Variants in CELF5 observed in about 807,000 individuals in gnomAD.
The protein encoded by CELF5 is CUGBP Elav-like family member 5, also known as CUG-BP and ETR-3 like factor 5.
In CELF5, 6 loss-of-function variants were observed where a neutral mutation model predicts 54.9. The observed-to-expected ratio is 0.11, with a 90% CI of 0.06 to 0.22. The LOEUF (loss-of-function observed/expected upper bound fraction) is 0.22, where lower values mean the gene tolerates loss of function less well. CELF5 is among the 10% of genes least tolerant of loss of function. CELF5 has a pLI of 1.00. For missense variants in CELF5, 401 were observed against 678.6 expected, an observed-to-expected ratio of 0.59 and a Z score of 4.54; for synonymous variants, 271 against 290.9, an observed-to-expected ratio of 0.93 and a Z score of 0.70.
rs752869327 is a variant in CELF5, at chr19:3,273,930, A to C, written c.394+7A>C. ...AGTGAAAGCCGCGGAGGTAGTTGTC[A>C]TCTCTCCGTGGCTGCCAGGCTGGGG... On this transcript the variant is annotated splice_region_variant and intron_variant, in intron 3 of 12. Transcript: ENST00000292672. The C allele has an allele frequency of 6.2e-7, 1 of 1,612,994 alleles. No individual in the cohort carries two copies. Among genetic ancestry groups the C allele is most frequent in the Admixed American group, 1.7e-5 (1 of 59,992 alleles).
intron 8 of CELF5, among the ~76,000 whole-genome samples, chr19:3,283,861 C>T (rs370705313): frequency 6.6e-5 from 10 of 151,390 alleles, no homozygotes; most frequent in Non-Finnish European, 1.3e-4. Flanking sequence ...CTCACTCTGT[C>T]GCCCAGGCTG....
At chr19:3,296,549 ACT>A (rs1307169689) in intron 12 of CELF5, 1 of 150,206 alleles carries the variant, frequency 6.7e-6, no homozygotes, top group African/African-American at 2.5e-5. Flanking sequence ...TTGTTTCGAG[ACT>A]CTCCTCTAGC....
chr19:3,256,475 C>T (rs924807630), intron 2 of CELF5, among the ~76,000 whole-genome samples: 4 of 152,048 alleles, frequency 2.6e-5, no homozygotes, highest in Non-Finnish European at 5.9e-5. Flanking sequence ...CCAGTGAGAA[C>T]AACATTGAGA....
At chr19:3,255,958 G>A (rs1195491731) in intron 2 of CELF5, among the ~76,000 whole-genome samples, 5 of 151,160 alleles carry the variant, frequency 3.3e-5, no homozygotes, top group East Asian at 4.0e-4. Context: ...CCAGCTACTC[G>A]GGAGGCTGAG....
intron 3 of CELF5, among the ~76,000 whole-genome samples, chr19:3,274,782 G>T (rs774627677): frequency 3.9e-5 from 6 of 152,122 alleles, no homozygotes; most frequent in Non-Finnish European, 5.9e-5. Flanking sequence ...GTATATGTAG[G>T]AGTCCGGTAA....
At chr19:3,277,996 A>G in intron 4 of CELF5, 35 bp from the exon 5 acceptor site, 1 of 1,583,640 alleles carries the variant, frequency 6.3e-7, no homozygotes, top group Non-Finnish European at 8.7e-7. Flanking sequence ...CTGTGACCCC[A>G]TCACCCTCTA....
chr19:3,287,298 G>A (rs1280904157), intron 10 of CELF5, among the ~76,000 whole-genome samples: 1 of 150,924 alleles, frequency 6.6e-6, no homozygotes, highest in Admixed American at 6.6e-5. Context: ...GGTGGCTCAT[G>A]CCTGTAATCC....
intron 1 of CELF5, among the ~76,000 whole-genome samples, chr19:3,226,767 C>CT (rs11453088): frequency 0.081 from 11,581 of 143,742 alleles, 1,084 homozygotes; most frequent in East Asian, 0.44. Flanking sequence ...TCTTCTTCAT[C>CT]TTTTTTTTTT....
intron 2 of CELF5, among the ~76,000 whole-genome samples, chr19:3,251,894 C>T (rs1458969707): frequency 1.3e-5 from 2 of 151,928 alleles, no homozygotes; most frequent in Non-Finnish European, 2.9e-5. Context: ...AGGCTGGTCT[C>T]AAACTCTTGA....
At chr19:3,226,008 C>T (rs1362161926) in intron 1 of CELF5, among the ~76,000 whole-genome samples, 1 of 152,132 alleles carries the variant, frequency 6.6e-6, no homozygotes, top group Non-Finnish European at 1.5e-5. Context: ...GCAATTGTAT[C>T]CCCAGCCCTT....
chr19:3,293,712 T>A, intron 12 of CELF5: 1 of 433,866 alleles, frequency 2.3e-6, no homozygotes, highest in Non-Finnish European at 4.2e-6. Context: ...GGGACTGAGG[T>A]GAGCCAGGGC....
chr19:3,242,173 C>T (rs1039604316), intron 1 of CELF5, among the ~76,000 whole-genome samples: 8 of 152,118 alleles, frequency 5.3e-5, no homozygotes, highest in East Asian at 1.9e-4. Flanking sequence ...GGAAAAGATG[C>T]GAAAGCCAGG....
intron 12 of CELF5, chr19:3,294,379 C>T (rs1216594073): frequency 6.6e-6 from 1 of 151,202 alleles, no homozygotes; most frequent in African/African-American, 2.4e-5. Flanking sequence ...GAACCCATCA[C>T]CTAAAGAGTT....
intron 1 of CELF5, among the ~76,000 whole-genome samples, chr19:3,238,617 G>C (rs1345494611): frequency 6.6e-6 from 1 of 152,016 alleles, no homozygotes; most frequent in Non-Finnish European, 1.5e-5. Context: ...GTGCGTCTGC[G>C]TCTCCTCTCC....
chr19:3,284,823 C>T (rs2080207785), intron 8 of CELF5, 79 bp from the exon 9 acceptor site: 1 of 1,275,320 alleles, frequency 7.8e-7, no homozygotes, highest in Admixed American at 1.7e-5. Context: ...TGTTGCTGTC[C>T]TTGCGGCTCT....
intron 1 of CELF5, 38 bp downstream of exon 1, chr19:3,225,036 C>G: frequency 7.6e-7 from 1 of 1,313,930 alleles, no homozygotes; most frequent in Non-Finnish European, 1.0e-6. Flanking sequence ...CCCCCTCCCT[C>G]CGCCTCCCAC....
intron 8 of CELF5, among the ~76,000 whole-genome samples, chr19:3,283,335 T>A (rs1451371955): frequency 6.6e-6 from 1 of 152,216 alleles, no homozygotes; most frequent in Non-Finnish European, 1.5e-5. Context: ...TCTAACTTTT[T>A]ATTTTTTTAA....
intron 1 of CELF5, among the ~76,000 whole-genome samples, chr19:3,244,359 T>C (rs1284511702): frequency 6.6e-6 from 1 of 151,912 alleles, no homozygotes; most frequent in East Asian, 1.9e-4. Context: ...GTGTGTAGTG[T>C]GTGGTGTGTG....
rs1261703417 is a variant in CELF5, at chr19:3,293,388, G to A, written c.1400G>A (p.Gly467Asp). The A allele has an allele frequency of 6.2e-7, 1 of 1,614,134 alleles. No homozygotes were observed. Among genetic ancestry groups the A allele is most frequent in the Admixed American group, 1.7e-5 (1 of 60,022 alleles). Residue 467 changes from glycine (G) to aspartate (D), a missense_variant, in exon 12 of 13, where the codon GGC (glycine) becomes GAC (aspartate). Around this residue, in one of 6 missense-constraint regions of CELF5, gnomAD observed 59 missense variants for 128.8 expected, o/e 0.46. Transcript: ENST00000292672. The stretch of plus-strand genomic sequence containing the variant: ...CAGGCCATGAACGGCTTCCAGATCG[G>A]CATGAAGAGGCTCAAAGTCCAGCTG... ...AIQAMNGFQI[G>D]MKRLKVQLKR...
Sources: allele counts gnomAD v4.1 joint callset (sites outside exome capture counted in the v4.1 genomes callset), GRCh38; gene constraint gnomAD v4.1.1; regional missense constraint gnomAD v4.1.1; transcripts MANE v1.5; gene names NCBI Gene and HGNC (gene_info 2026-07-23, HGNC 2026-07-21).